DLAT: variants seen among roughly 807,000 people sequenced by gnomAD.
The protein encoded by DLAT is dihydrolipoamide S-acetyltransferase.
In DLAT, 43 loss-of-function variants were observed where a neutral mutation model predicts 68.0. That is an observed-to-expected ratio of 0.63 (90% CI 0.50 to 0.81). The LOEUF (loss-of-function observed/expected upper bound fraction) is 0.81. Among genes scored for constraint, DLAT ranks in the 40% least tolerant of loss-of-function variants. The probability of loss-of-function intolerance (pLI) is 0.00; values close to 1 mark genes in which losing one functional copy is unlikely to be tolerated. For missense variants in DLAT, 745 were observed against 815.4 expected, an observed-to-expected ratio of 0.91 and a Z score of 1.05; for synonymous variants, 265 against 288.6, an observed-to-expected ratio of 0.92 and a Z score of 0.83.
chr11:112,028,470 C>T (rs1566609777), intron 2 of DLAT, 45 bp from the exon 3 acceptor site: 1 of 1,151,176 alleles, frequency 8.7e-7, no homozygotes, highest in East Asian at 2.9e-5. Flanking sequence ...TAATAAATTA[C>T]ATACCAACAG....
In DLAT at chr11:112,063,230, ATATT is replaced by A. The variant is rs1443715831; in HGVS notation, c.*702_*705del. 2.6e-5 allele frequency: 4 copies of A among 152,216 alleles called. No individual in the cohort carries two copies. Among genetic ancestry groups the A allele is most frequent in the Non-Finnish European group, 5.9e-5 (4 of 68,028 alleles). 9.4% of individuals were successfully genotyped at this position (152,216 alleles called of 1,614,324 possible). A position where few individuals can be genotyped will look rare whatever the true frequency, so the allele number is the denominator to read the frequency against. Reference sequence around the variant, plus strand: ...TTGATGTAACTGAGAATTTGTGTGGATATTTATTTAAACAAATGTGTAATTTTGA... The same window carrying A: ...TTGATGTAACTGAGAATTTGTGTGGATATTTAAACAAATGTGTAATTTTGA... On this transcript the variant is annotated 3_prime_UTR_variant, in exon 14 of 14. Transcript: ENST00000280346.
Position 112,062,602 on chromosome 11 carries a change from T to A in DLAT, c.*67T>A. 1.3e-6 allele frequency: 2 copies of A among 1,545,882 alleles called. No homozygotes were observed. Among genetic ancestry groups the A allele is most frequent in the African/African-American group, 1.4e-5 (1 of 73,384 alleles). ...CATTCTTAACAAGATATTTATATGT[T>A]ATTAAACAGGTGGTTCTTTTTATTT... is the stretch of plus-strand genomic sequence containing the variant. On this transcript the variant is annotated 3_prime_UTR_variant, in exon 14 of 14. Coordinates refer to ENST00000280346, the MANE Select transcript of DLAT (RefSeq NM_001931.5).
chr11:112,043,614 A>G lies in DLAT; in HGVS notation c.1197+81A>G, dbSNP rs929617583. ...CCATTTCATACATTATTTATGAACG[A>G]AATAGCTCAACCAAGATTGTTTTCT... On this transcript the variant is annotated intron_variant, in intron 8 of 13. Transcript: ENST00000280346. 23 of 1,167,366 alleles carry G rather than the reference A, an allele frequency of 2.0e-5. No homozygotes were observed. The South Asian group carries it at 2.6e-4, about 13-fold the overall frequency. The allele number at this position is 1,167,366 out of a possible 1,614,324, so 72.3% of individuals were successfully genotyped here.
chr11:112,052,059 T>A (rs1183897134), intron 11 of DLAT, among the ~76,000 whole-genome samples: 1 of 152,198 alleles, frequency 6.6e-6, no homozygotes, highest in Non-Finnish European at 1.5e-5. Flanking sequence ...GTTAGGACTG[T>A]GATTAGAACC....
chr11:112,025,913 C>A (rs1301346143), intron 1 of DLAT, among the ~76,000 whole-genome samples, 162 bp downstream of exon 1: 3 of 152,224 alleles, frequency 2.0e-5, no homozygotes, highest in African/African-American at 7.2e-5. Context: ...CTTAGTGTCC[C>A]TCTCATGATC....
chr11:112,059,318 G>A (rs1194723557), intron 11 of DLAT, among the ~76,000 whole-genome samples: 2 of 151,428 alleles, frequency 1.3e-5, no homozygotes, highest in South Asian at 4.2e-4. Flanking sequence ...CGATATGTGC[G>A]AAACCAACCT....
chr11:112,033,521 G>A lies in DLAT; in HGVS notation c.778G>A (p.Ala260Thr). ...DLLAEIETDK[A>T]TIGFEVQEEG... ...ACTGGCAGAGATAGAAACTGACAAAGCCACTATAGGTGAGATTTCTTCAGC... is the reference window on the plus strand; with the variant it reads ...ACTGGCAGAGATAGAAACTGACAAAACCACTATAGGTGAGATTTCTTCAGC... The change falls in exon 5 of 14, where the codon GCC becomes ACC. Residue 260 changes from alanine (A) to threonine (T), a missense_variant. Ala to Thr is a moderately conservative substitution (Grantham distance 58). Coordinates refer to ENST00000280346, the MANE Select transcript of DLAT (RefSeq NM_001931.5). 1 of 1,613,754 alleles carries A rather than the reference G, an allele frequency of 6.2e-7. No individual in the cohort carries two copies. Among genetic ancestry groups the A allele is most frequent in the Non-Finnish European group, 8.5e-7 (1 of 1,179,816 alleles).
chr11:112,045,759 G>A, intron 9 of DLAT, 104 bp from the exon 10 acceptor site: 2 of 713,060 alleles, frequency 2.8e-6, no homozygotes, highest in Non-Finnish European at 4.9e-6. Context: ...AATAATGCTT[G>A]AGGTAAGTAT....
At chr11:112,041,788 A>G (rs1365957151) in intron 7 of DLAT, among the ~76,000 whole-genome samples, 3 of 151,834 alleles carry the variant, frequency 2.0e-5, no homozygotes, top group African/African-American at 7.3e-5. Context: ...AGGCTGAGGC[A>G]GGAGAATGGC....
At chr11:112,032,280 T>A (rs1445510847) in intron 4 of DLAT, among the ~76,000 whole-genome samples, 4 of 151,412 alleles carry the variant, frequency 2.6e-5, no homozygotes, top group African/African-American at 4.9e-5. Flanking sequence ...AAAAAAAAAA[T>A]TATCAAATAA....
At chr11:112,033,879 A>G (rs1389561283) in intron 5 of DLAT, among the ~76,000 whole-genome samples, 1 of 152,018 alleles carries the variant, frequency 6.6e-6, no homozygotes, top group Non-Finnish European at 1.5e-5. Context: ...CTGAACCACC[A>G]CACCTAGCTG....
At position 112,044,691 on chromosome 11, in the gene DLAT, G is replaced by A. The variant is rs118082715; in HGVS notation, c.1198-447G>A. 2.2e-4 allele frequency among the ~76,000 whole-genome samples: 33 copies of A among 152,054 alleles called. No homozygotes were observed. The East Asian group carries it at 5.8e-3, about 27-fold the overall frequency. ...AAAAAAATTAAAACTCTTAAAACAA[G>A]CAGAAGTCTCTTTTGCTCACTGGGG... On this transcript the variant is annotated intron_variant, in intron 8 of 13. Transcript: ENST00000280346.
At chr11:112,032,228 T>C (rs184219798) in intron 4 of DLAT, among the ~76,000 whole-genome samples, 1 of 150,674 alleles carries the variant, frequency 6.6e-6, no homozygotes, top group Admixed American at 6.6e-5. Flanking sequence ...ATCATGCCAC[T>C]GCACTCCAGG....
intron 10 of DLAT, among the ~76,000 whole-genome samples, chr11:112,047,269 G>A (rs1284360405): frequency 1.3e-5 from 2 of 152,160 alleles, no homozygotes; most frequent in Admixed American, 6.5e-5. Context: ...CTTCTTTTGA[G>A]AAGTGTCTGT....
rs587736506 is a variant in DLAT at position 112,032,814 on chromosome 11, C to T, written c.661-590C>T. Among the ~76,000 whole-genome samples, 5 of 152,232 alleles carry T rather than the reference C, an allele frequency of 3.3e-5. No homozygotes were observed. In the South Asian group the frequency reaches 1.0e-3, roughly 32 times the overall value. On this transcript the variant is annotated intron_variant, in intron 4 of 13. Coordinates refer to ENST00000280346, the MANE Select transcript of DLAT (RefSeq NM_001931.5). ...GGCGCGGTGGCTCACGCCTGTAATC[C>T]CAGCACTTTGGGAGGCCAGGGCGGG...
At chr11:112,027,033 G>A (rs1168354586) in intron 2 of DLAT, among the ~76,000 whole-genome samples, 3 of 150,548 alleles carry the variant, frequency 2.0e-5, no homozygotes, top group Non-Finnish European at 4.4e-5. Context: ...GGCTGGCCTG[G>A]CGGGGGCTGA....
intron 11 of DLAT, among the ~76,000 whole-genome samples, chr11:112,058,346 A>G (rs1864244180): frequency 6.6e-6 from 1 of 152,156 alleles, no homozygotes; most frequent in Admixed American, 6.5e-5. Flanking sequence ...CGGTATTTTT[A>G]TTAGAGCAGG....
At position 112,025,734 on chromosome 11, in the gene DLAT, C is replaced by A; in HGVS notation, c.262C>A (p.Leu88Ile). 1 of 1,613,332 alleles carries A rather than the reference C, an allele frequency of 6.2e-7. No homozygotes were observed. Among genetic ancestry groups the A allele is most frequent in the East Asian group, 2.2e-5 (1 of 44,886 alleles). The change falls in exon 1 of 14, where the codon CTT (leucine) becomes ATT (isoleucine). Residue 88 changes from leucine (L) to isoleucine (I), a missense_variant. By Grantham distance (5) the Leu-to-Ile change is conservative (BLOSUM62 2). Coordinates refer to ENST00000280346, the MANE Select transcript of DLAT (RefSeq NM_001931.5). The part of the protein sequence containing the change: ...LGSPGRRYYS[L>I]PPHQKVPLPS... Reference sequence around the variant, plus strand: ...GTCGCCCGGCCGCCGCTATTACAGTCTTCCCCCGCATCAGAAGGTGAGCCC... The same window carrying A: ...GTCGCCCGGCCGCCGCTATTACAGTATTCCCCCGCATCAGAAGGTGAGCCC...
At chr11:112,043,676 G>A (rs1449619218) in intron 8 of DLAT, 143 bp downstream of exon 8, 18 of 851,546 alleles carry the variant, frequency 2.1e-5, no homozygotes, top group South Asian at 1.1e-4. Flanking sequence ...GTCATCCCTC[G>A]GTACCCATGA....
Sources: gnomAD v4.1 joint callset for allele counts (sites outside exome capture counted in the v4.1 genomes callset) on GRCh38, gnomAD v4.1.1 for gene constraint, MANE v1.5 for transcripts, NCBI Gene and HGNC (gene_info 2026-07-23, HGNC 2026-07-21) for gene names.